Variants in SF3B1 observed in about 807,000 individuals in gnomAD.
The protein encoded by SF3B1 is pre-mRNA processing 10.
In SF3B1, 12 loss-of-function variants were observed where a neutral mutation model predicts 153.8. That is an observed-to-expected ratio of 0.08 (90% CI 0.05 to 0.13). The LOEUF (loss-of-function observed/expected upper bound fraction) is 0.13. SF3B1 is among the 10% of genes least tolerant of loss of function. The probability of loss-of-function intolerance (pLI) is 1.00; values close to 1 mark genes in which losing one functional copy is unlikely to be tolerated. For missense variants in SF3B1, 513 were observed against 1,606.1 expected (o/e 0.32, Z 11.63); for synonymous variants, 498 against 525.2 (o/e 0.95, Z 0.71).
At chr2:197,412,381 A>G (rs2085082814) in intron 6 of SF3B1, among the ~76,000 whole-genome samples, 1 of 148,520 alleles carries the variant, frequency 6.7e-6, no homozygotes, top group Admixed American at 6.6e-5. Context: ...TTTGAGACAG[A>G]GTCTCACTCT....
intron 1 of SF3B1, among the ~76,000 whole-genome samples, chr2:197,431,542 T>C (rs2085437622): frequency 6.6e-6 from 1 of 152,244 alleles, no homozygotes. Flanking sequence ...GCTCATTACA[T>C]GTTACACAGA....
chr2:197,422,628 C>T (rs1365657776), intron 2 of SF3B1, among the ~76,000 whole-genome samples: 7 of 152,076 alleles, frequency 4.6e-5, no homozygotes, highest in East Asian at 1.9e-4. Context: ...CGGTGGCTCA[C>T]GCCTGTAATC....
intron 1 of SF3B1, among the ~76,000 whole-genome samples, chr2:197,424,432 C>T (rs940385808): frequency 1.9e-4 from 29 of 149,424 alleles, no homozygotes; most frequent in African/African-American, 6.4e-4. Flanking sequence ...ACCCGGGAGG[C>T]GGAGGTTGCA....
Position 197,435,026 on chromosome 2 carries a change from A to T in SF3B1, c.-27T>A, listed in dbSNP as rs747154626. The T allele has an allele frequency of 6.2e-7, 1 of 1,614,266 alleles. No homozygotes were observed. Among genetic ancestry groups the T allele is most frequent in the African/African-American group, 1.3e-5 (1 of 75,084 alleles). On this transcript the variant is annotated 5_prime_UTR_variant, in exon 1 of 25. Coordinates refer to ENST00000335508, the MANE Select transcript of SF3B1 (RefSeq NM_012433.4). Reference sequence around the variant, plus strand: ...TTGTCCACTCGAACACACAGACGGAACTGGCGCTCCCAAGAACTTCCGCTC... The same window carrying T: ...TTGTCCACTCGAACACACAGACGGATCTGGCGCTCCCAAGAACTTCCGCTC...
intron 1 of SF3B1, 31 bp from the exon 2 acceptor site, chr2:197,424,005 T>G: frequency 6.3e-7 from 1 of 1,577,406 alleles, no homozygotes; most frequent in Non-Finnish European, 8.6e-7. Flanking sequence ...CTTTCTTAAT[T>G]TCACTTTCCA....
chr2:197,425,954 G>C (rs934408337), intron 1 of SF3B1, among the ~76,000 whole-genome samples: 8 of 151,276 alleles, frequency 5.3e-5, no homozygotes, highest in African/African-American at 1.9e-4. Flanking sequence ...AGCCACGATT[G>C]CTGCCACTGC....
intron 7 of SF3B1, among the ~76,000 whole-genome samples, chr2:197,409,434 C>T (rs1016489928): frequency 1.3e-5 from 2 of 151,900 alleles, no homozygotes; most frequent in Non-Finnish European, 2.9e-5. Flanking sequence ...TGGTGGCATG[C>T]CCCTATAGTC....
intron 22 of SF3B1, among the ~76,000 whole-genome samples, chr2:197,397,277 TG>T (rs2084886641): frequency 6.6e-6 from 1 of 152,110 alleles, no homozygotes; most frequent in Non-Finnish European, 1.5e-5. Flanking sequence ...CTTGAACTCC[TG>T]GGCTCAAACA....
chr2:197,421,826 C>T (rs2085247636), intron 2 of SF3B1, among the ~76,000 whole-genome samples: 1 of 151,896 alleles, frequency 6.6e-6, no homozygotes, highest in Non-Finnish European at 1.5e-5. Context: ...AAAAAAAATA[C>T]AAAAATTAGC....
intron 22 of SF3B1, among the ~76,000 whole-genome samples, chr2:197,397,084 T>G (rs986388764): frequency 1.3e-5 from 2 of 152,200 alleles, no homozygotes; most frequent in Non-Finnish European, 2.9e-5. Flanking sequence ...ATTTTAGTTG[T>G]GATGGAGTGG....
Position 197,400,370 on chromosome 2 carries a change from T to A in SF3B1, c.2783A>T (p.Tyr928Phe). Residue 928 changes from tyrosine to phenylalanine, a missense_variant, in exon 19 of 25, where the codon TAC (tyrosine) becomes TTC (phenylalanine). Around this residue, in one of 21 missense-constraint regions of SF3B1, gnomAD observed 20 missense variants for 90.4 expected, o/e 0.22. Coordinates refer to ENST00000335508, the MANE Select transcript of SF3B1 (RefSeq NM_012433.4). This position sits in a 1 kb window ranked among gnomAD's most constrained non-coding sequence, Gnocchi z 5.0. Reference protein sequence around the residue: ...VNALGKRVKPYLPQICGTVLW... With the variant: ...VNALGKRVKPFLPQICGTVLW... ...AACTGTACCACAGATCTGAGGCAAGTATGGTTTGACTCGTTTGCCAAGAGC... is the reference window on the plus strand; with the variant it reads ...AACTGTACCACAGATCTGAGGCAAGAATGGTTTGACTCGTTTGCCAAGAGC... 1 of 1,614,054 alleles carries A rather than the reference T, an allele frequency of 6.2e-7. No individual in the cohort carries two copies. Among genetic ancestry groups the A allele is most frequent in the Non-Finnish European group, 8.5e-7 (1 of 1,179,940 alleles).
At chr2:197,393,496 A>C (rs987905367) in intron 23 of SF3B1, 1 of 317,678 alleles carries the variant, frequency 3.1e-6, no homozygotes, top group South Asian at 3.4e-5. Context: ...TCTGTCACCC[A>C]GACTGGAGTG....
chr2:197,424,916 T>C (rs920334573), intron 1 of SF3B1, among the ~76,000 whole-genome samples: 1 of 152,140 alleles, frequency 6.6e-6, no homozygotes, highest in East Asian at 1.9e-4. Flanking sequence ...TCCCAGCACT[T>C]TGGGAGGCCA....
At chr2:197,418,234 C>CAAAAAAAAA (rs59644092) in intron 5 of SF3B1, among the ~76,000 whole-genome samples, 994 of 36,370 alleles carry the variant, frequency 0.027, 247 homozygotes, top group Non-Finnish European at 0.033. Context: ...AGACTGTGTC[C>CAAAAAAAAA]AAAAAAAAAA....
chr2:197,397,763 T>C (rs1291243112), intron 22 of SF3B1, among the ~76,000 whole-genome samples: 1 of 151,842 alleles, frequency 6.6e-6, no homozygotes, highest in African/African-American at 2.4e-5. Flanking sequence ...AATCACTGCA[T>C]TCCAGCCAGG....
At chr2:197,416,187 A>G (rs1456969452) in intron 6 of SF3B1, among the ~76,000 whole-genome samples, 1 of 152,008 alleles carries the variant, frequency 6.6e-6, no homozygotes, top group Non-Finnish European at 1.5e-5. Flanking sequence ...AGTAGCATTG[A>G]CTATTTGCTG....
Position 197,392,930 on chromosome 2 carries a change from AAAAAAAAAAATCACCGATT to A in SF3B1, c.3756+23_3756+41del, listed in dbSNP as rs757731575. On this transcript the variant is annotated intron_variant, in intron 24 of 24. Transcript: ENST00000335508. ...ATCCCAGAACTTAAAGTATTATTTAAAAAAAAAAAATCACCGATTAAAAAAAAAATCTTTAACTTACCTG... is the reference window on the plus strand; with the variant it reads ...ATCCCAGAACTTAAAGTATTATTTAAAAAAAAAAAATCTTTAACTTACCTG... 8 of 1,227,246 alleles carry A rather than the reference AAAAAAAAAAATCACCGATT, an allele frequency of 6.5e-6. No individual in the cohort carries two copies. The East Asian group carries it at 7.0e-5, about 11-fold the overall frequency. The allele number at this position is 1,227,246 out of a possible 1,614,324, so 76.0% of individuals were successfully genotyped here.
chr2:197,396,357 G>A (rs2105977777), intron 22 of SF3B1, 29 bp from the exon 23 acceptor site: 1 of 1,568,422 alleles, frequency 6.4e-7, no homozygotes, highest in Non-Finnish European at 8.7e-7. Context: ...TCAACAAGCT[G>A]TTACATTATA....
chr2:197,419,056 C>T (rs948946972), intron 4 of SF3B1: 1 of 863,024 alleles, frequency 1.2e-6, no homozygotes, highest in Non-Finnish European at 1.9e-6. Flanking sequence ...ATAACTATGA[C>T]TAGATAAGTT....
Sources: allele counts gnomAD v4.1 joint callset (sites outside exome capture counted in the v4.1 genomes callset), GRCh38; gene constraint gnomAD v4.1.1; regional missense constraint gnomAD v4.1.1; non-coding constraint Gnocchi (gnomAD v3.1); transcripts MANE v1.5; gene names NCBI Gene and HGNC (gene_info 2026-07-23, HGNC 2026-07-21).